The following ACYP2 variants were observed in gnomAD, a reference collection of about 807,000 sequenced individuals.
The protein encoded by ACYP2 is acylphosphatase 2.
Under a neutral mutation model 11.2 loss-of-function variants are expected in ACYP2, and 12 were observed. That is an observed-to-expected ratio of 1.08 (90% CI 0.69 to 1.74). The LOEUF is 1.74. ACYP2 is among the 40% of genes most tolerant of loss of function. The pLI is 0.00. For missense variants in ACYP2, 134 were observed against 101.9 expected (o/e 1.31, Z -1.35); for synonymous variants, 43 against 32.2 (o/e 1.33, Z -1.13).
intron 2 of ACYP2, among the ~76,000 whole-genome samples, chr2:54,042,583 C>CT (rs1032524191): frequency 6.6e-6 from 1 of 152,202 alleles, no homozygotes. Flanking sequence ...AAACATACAA[C>CT]TTTTTTTTAT....
intron 2 of ACYP2, among the ~76,000 whole-genome samples, chr2:54,035,009 C>CAAA (rs550142135): frequency 0.013 from 573 of 44,680 alleles, 54 homozygotes; most frequent in Middle Eastern, 0.069. Context: ...GACTACATCT[C>CAAA]AAAAAAAAAA....
intron 2 of ACYP2, among the ~76,000 whole-genome samples, chr2:54,027,845 T>C (rs900739514): frequency 1.4e-5 from 2 of 144,054 alleles, no homozygotes; most frequent in Non-Finnish European, 3.0e-5. Flanking sequence ...TTCTTTTTTT[T>C]TTTTTTTTTT....
chr2:54,177,338 C>G (rs533984776), intron 6 of ACYP2, among the ~76,000 whole-genome samples: 1 of 152,286 alleles, frequency 6.6e-6, no homozygotes, highest in South Asian at 2.1e-4. Context: ...AAATCCACAG[C>G]TCATGGTGTG....
At chr2:54,271,323 G>C (rs1217225144) in intron 6 of ACYP2, among the ~76,000 whole-genome samples, 1 of 152,166 alleles carries the variant, frequency 6.6e-6, no homozygotes, top group Non-Finnish European at 1.5e-5. Context: ...TGTGGCCAGA[G>C]GTCACAAGAT....
intron 6 of ACYP2, among the ~76,000 whole-genome samples, chr2:54,245,937 A>G (rs887453064): frequency 2.6e-5 from 4 of 152,108 alleles, no homozygotes; most frequent in African/African-American, 9.7e-5. Context: ...CCCCAGACCA[A>G]TGTCCTGGAA....
intron 2 of ACYP2, among the ~76,000 whole-genome samples, chr2:53,989,842 C>A (rs7569954): frequency 0.65 from 98,932 of 152,002 alleles, 32,948 homozygotes; most frequent in African/African-American, 0.8. Flanking sequence ...TAGAGATGTC[C>A]TATGTTGGTG....
At chr2:54,117,062 G>A (rs111434982) in intron 4 of ACYP2, among the ~76,000 whole-genome samples, 4 of 152,086 alleles carry the variant, frequency 2.6e-5, no homozygotes, top group African/African-American at 7.2e-5. Flanking sequence ...AACTAGAGGC[G>A]AGGAGAACGA....
chr2:53,987,794 A>C (rs1051725199), intron 2 of ACYP2, among the ~76,000 whole-genome samples: 1 of 152,122 alleles, frequency 6.6e-6, no homozygotes, highest in Non-Finnish European at 1.5e-5. Context: ...TTGGTGAAAT[A>C]TCTGCTCATG....
intron 1 of ACYP2, among the ~76,000 whole-genome samples, chr2:53,972,036 G>A (rs56217172): frequency 6.6e-6 from 1 of 152,354 alleles, no homozygotes; most frequent in Non-Finnish European, 1.5e-5. Flanking sequence ...GCGGCCGGGC[G>A]CAGTGGCTCA....
chr2:54,257,728 AAATAT>A (rs1687619061), intron 6 of ACYP2, among the ~76,000 whole-genome samples: 1 of 152,234 alleles, frequency 6.6e-6, no homozygotes, highest in African/African-American at 2.4e-5. Context: ...TGGTTTAAAT[AAATAT>A]AAGACAGGAT....
At chr2:54,134,938 T>C (rs552428198) in intron 4 of ACYP2, among the ~76,000 whole-genome samples, 1 of 152,380 alleles carries the variant, frequency 6.6e-6, no homozygotes, top group South Asian at 2.1e-4. Context: ...GGACAGAAGA[T>C]TGTTTTTACT....
chr2:54,220,288 A>G (rs1282060005), intron 6 of ACYP2, among the ~76,000 whole-genome samples: 1 of 152,182 alleles, frequency 6.6e-6, no homozygotes, highest in Non-Finnish European at 1.5e-5. Flanking sequence ...TTTCTTAATT[A>G]GCTTGCACTA....
intron 2 of ACYP2, chr2:54,030,584 G>C (rs1674532994): frequency 6.4e-6 from 1 of 157,004 alleles, no homozygotes; most frequent in Non-Finnish European, 1.4e-5. Context: ...GCCTGCCACA[G>C]ATTCGCATAT....
intron 4 of ACYP2, among the ~76,000 whole-genome samples, chr2:54,064,089 C>T (rs1676614822): frequency 6.6e-6 from 1 of 152,144 alleles, no homozygotes; most frequent in South Asian, 2.1e-4. Context: ...TCAAGTGGTC[C>T]TCCTGCCTTG....
At chr2:54,095,643 G>T (rs191759785) in intron 4 of ACYP2, among the ~76,000 whole-genome samples, 1,646 of 144,084 alleles carry the variant, frequency 0.011, 21 homozygotes, top group Non-Finnish European at 0.018. Flanking sequence ...CAGATGGGGC[G>T]GCTGGCCGCG....
At chr2:53,977,507 G>A (rs1286501932) in intron 2 of ACYP2, among the ~76,000 whole-genome samples, 1 of 151,856 alleles carries the variant, frequency 6.6e-6, no homozygotes, top group African/African-American at 2.4e-5. Flanking sequence ...GGCTGAGGTG[G>A]GCAGATCACG....
intron 6 of ACYP2, among the ~76,000 whole-genome samples, chr2:54,146,409 T>A (rs950467568): frequency 6.6e-6 from 1 of 152,046 alleles, no homozygotes; most frequent in Non-Finnish European, 1.5e-5. Context: ...ACCCTCTTCT[T>A]TTAGAACTTC....
intron 6 of ACYP2, among the ~76,000 whole-genome samples, chr2:54,165,101 C>G (rs1682893466): frequency 6.6e-6 from 1 of 152,002 alleles, no homozygotes; most frequent in Non-Finnish European, 1.5e-5. Flanking sequence ...TTTTTTTATC[C>G]AGTCTCTTAT....
At chr2:54,031,612 AT>A (rs1674591691) in intron 2 of ACYP2, among the ~76,000 whole-genome samples, 1 of 152,188 alleles carries the variant, frequency 6.6e-6, no homozygotes, top group African/African-American at 2.4e-5. Context: ...TTATAGCAGC[AT>A]GATTTATAGT....
Sources: allele counts gnomAD v4.1 joint callset (sites outside exome capture counted in the v4.1 genomes callset), GRCh38; gene constraint gnomAD v4.1.1; transcripts MANE v1.5; gene names NCBI Gene and HGNC (gene_info 2026-07-23, HGNC 2026-07-21).